The following SCAP variants were observed in gnomAD, a reference collection of about 807,000 sequenced individuals.
SCAP encodes the protein SREBF chaperone.
In SCAP, 65 loss-of-function variants were observed where a neutral mutation model predicts 123.6. The observed-to-expected ratio is 0.53, with a 90% CI of 0.43 to 0.65. The LOEUF is 0.65. Ranked by LOEUF, SCAP falls within the 30% of genes least tolerant of loss-of-function variation. SCAP has a pLI of 0.00. For synonymous variants in SCAP, 740 were observed against 726.3 expected (o/e 1.02, Z -0.30); for missense variants, 1,398 against 1,712.5 (o/e 0.82, Z 3.24).
rs1705476376 is a variant in SCAP, at chr3:47,414,557, C to G, written c.3387+15G>C. 1.9e-6 allele frequency: 3 copies of G among 1,613,340 alleles called. No homozygotes were observed. ...ACAGACTCTGTACCCCCTACCCCAC[C>G]TGCAGGCCGCTTACCTGGTCAATGT... On this transcript the variant is annotated intron_variant, in intron 21 of 22. Transcript: ENST00000265565.
intron 1 of SCAP, among the ~76,000 whole-genome samples, chr3:47,461,356 T>C (rs1040514829): frequency 6.6e-6 from 1 of 152,262 alleles, no homozygotes; most frequent in Non-Finnish European, 1.5e-5. Context: ...TTGCTTCTTT[T>C]TCATATCTAT....
chr3:47,417,277 C>A, intron 17 of SCAP, 27 bp downstream of exon 17: 1 of 1,612,100 alleles, frequency 6.2e-7, no homozygotes, highest in African/African-American at 1.3e-5. Context: ...GACAGCCGCT[C>A]TGCCCACCTT....
rs563090503 is a variant in SCAP, at chr3:47,470,424, T to C, written c.-99+5375A>G. Among the ~76,000 whole-genome samples, 4 of 152,216 alleles carry C rather than the reference T, an allele frequency of 2.6e-5. No homozygotes were observed. In the South Asian group the frequency reaches 8.3e-4, roughly 32 times the overall value. ...TGTAGCATAGGGCTATAGTGAGATG[T>C]GGGACTGGTAAAAAGGATTAAGTGA... On this transcript the variant is annotated intron_variant, in intron 1 of 22. Coordinates refer to ENST00000265565, the MANE Select transcript of SCAP (RefSeq NM_012235.4).
chr3:47,420,941 C>T lies in SCAP; in HGVS notation c.1334G>A (p.Arg445His). The change falls in exon 11 of 23, where the codon CGC becomes CAC. Residue 445 changes from arginine (R) to histidine (H), a missense_variant. Around this residue, in one of 7 missense-constraint regions of SCAP, gnomAD observed 66 missense variants for 116.3 expected, o/e 0.57. Transcript: ENST00000265565. The surrounding 1 kb of genome is among the most constrained non-coding windows in gnomAD (Gnocchi z 5.0). ...FFTTVLSIDIRRMELADLNKR... is the reference protein window; with the variant it reads ...FFTTVLSIDIHRMELADLNKR... ...TCAGCCCACTCCTACCTCCATCCGG[C>T]GAATGTCAATGGACAGGACAGTGGT... 2 of 1,613,656 alleles carry T rather than the reference C, an allele frequency of 1.2e-6. No individual in the cohort carries two copies. The highest frequency in any genetic ancestry group is 1.7e-6 in the Non-Finnish European group (2 of 1,179,774).
At chr3:47,442,831 A>C in intron 2 of SCAP, 41 bp downstream of exon 2, 1 of 1,586,422 alleles carries the variant, frequency 6.3e-7, no homozygotes, top group Non-Finnish European at 8.7e-7. Context: ...TACTGTCCTA[A>C]GACACTGGCC....
At chr3:47,428,050 T>C (rs568580356) in intron 4 of SCAP, among the ~76,000 whole-genome samples, 1 of 152,210 alleles carries the variant, frequency 6.6e-6, no homozygotes, top group Admixed American at 6.5e-5. Flanking sequence ...AACTAAAACC[T>C]GGCAGTGATG....
At chr3:47,422,927 C>T (rs1168289492) in intron 9 of SCAP, 1 of 169,250 alleles carries the variant, frequency 5.9e-6, no homozygotes, top group African/African-American at 2.4e-5. Flanking sequence ...TGCCCATCAA[C>T]CACATGGCAG....
chr3:47,436,724 T>C (rs953460448), intron 2 of SCAP, among the ~76,000 whole-genome samples: 2 of 152,222 alleles, frequency 1.3e-5, no homozygotes, highest in African/African-American at 4.8e-5. Flanking sequence ...AACTTCTATA[T>C]AGTACAATGC....
intron 1 of SCAP, among the ~76,000 whole-genome samples, chr3:47,472,448 A>AAAAT (rs1708063570): frequency 3.9e-5 from 3 of 77,712 alleles, no homozygotes; most frequent in Non-Finnish European, 7.6e-5. Context: ...CTCAAAAAAA[A>AAAAT]AAAATAAAAT....
chr3:47,435,242 C>T (rs777901518), intron 2 of SCAP, 105 bp from the exon 3 acceptor site: 65 of 1,301,710 alleles, frequency 5.0e-5, no homozygotes, highest in Non-Finnish European at 6.6e-5. Context: ...TCTGTCAGGA[C>T]TGTACAAATG....
intron 18 of SCAP, 113 bp from the exon 19 acceptor site, chr3:47,415,293 G>T: frequency 1.1e-6 from 1 of 947,570 alleles, no homozygotes; most frequent in Non-Finnish European, 1.5e-6. Flanking sequence ...GAGGGACATG[G>T]CCAAGAGGAA....
chr3:47,447,416 G>A (rs1008511637), intron 1 of SCAP, among the ~76,000 whole-genome samples: 2 of 151,666 alleles, frequency 1.3e-5, no homozygotes, highest in African/African-American at 2.4e-5. Flanking sequence ...AAGGCCAGGC[G>A]CGGTGGCTCA....
intron 6 of SCAP, among the ~76,000 whole-genome samples, chr3:47,426,772 G>A (rs554472236): frequency 1.3e-5 from 2 of 152,322 alleles, no homozygotes; most frequent in East Asian, 3.9e-4. Context: ...TAGGAGAGCC[G>A]ATCAGAAGCA....
At chr3:47,434,705 C>T (rs75867493) in intron 3 of SCAP, 11,139 of 226,924 alleles carry the variant, frequency 0.049, 1,284 homozygotes, top group African/African-American at 0.24. Flanking sequence ...GGCGTGGTGG[C>T]GCACACCTAC....
At chr3:47,454,333 A>G (rs557119527) in intron 1 of SCAP, among the ~76,000 whole-genome samples, 1 of 151,808 alleles carries the variant, frequency 6.6e-6, no homozygotes. Flanking sequence ...ACGCCACTGC[A>G]CTCCCATCTG....
At chr3:47,470,237 T>C (rs1339431129) in intron 1 of SCAP, among the ~76,000 whole-genome samples, 1 of 152,186 alleles carries the variant, frequency 6.6e-6, no homozygotes, top group Non-Finnish European at 1.5e-5. Flanking sequence ...ATCATACATT[T>C]AGGCCAATGG....
At chr3:47,476,145 C>T (rs1223291600), upstream of SCAP, 3 of 152,210 alleles carry the variant, frequency 2.0e-5, no homozygotes, top group Non-Finnish European at 2.9e-5. Flanking sequence ...GGGTTTGGGC[C>T]CACCGGCTCT....
At chr3:47,471,830 T>C (rs185847531) in intron 1 of SCAP, among the ~76,000 whole-genome samples, 1 of 152,236 alleles carries the variant, frequency 6.6e-6, no homozygotes, top group Non-Finnish European at 1.5e-5. Context: ...ACAGTGATAA[T>C]ACAGTGTACA....
rs1356310653 is a variant in SCAP at position 47,435,035 on chromosome 3, T to C, written c.225A>G (p.Gln75=). ...SPPPVDSDRK[Q]GEPTEQPEWY... ...ACTCAGGCTGCTCAGTAGGCTCTCC[T>C]TGTTTGCGGTCAGAGTCCACAGGTG... Residue 75 remains glutamine (Q), a synonymous_variant, in exon 3 of 23, where the codon CAA becomes CAG. Transcript: ENST00000265565. 1 of 1,614,026 alleles carries C rather than the reference T, an allele frequency of 6.2e-7. No individual in the cohort carries two copies. The highest frequency in any genetic ancestry group is 8.5e-7 in the Non-Finnish European group (1 of 1,180,004).
Sources: allele counts gnomAD v4.1 joint callset (sites outside exome capture counted in the v4.1 genomes callset), GRCh38; gene constraint gnomAD v4.1.1; regional missense constraint gnomAD v4.1.1; non-coding constraint Gnocchi (gnomAD v3.1); transcripts MANE v1.5; gene names NCBI Gene and HGNC (gene_info 2026-07-23, HGNC 2026-07-21).